PSMD12: variants seen among roughly 807,000 people sequenced by gnomAD.
PSMD12 encodes the protein 26S proteasome non-ATPase regulatory subunit 12.
PSMD12 carries 8 observed loss-of-function variants against 62.9 expected under a neutral mutation model. The observed-to-expected ratio is 0.13, with a 90% CI of 0.07 to 0.23. The LOEUF (loss-of-function observed/expected upper bound fraction) is 0.23. Among genes scored for constraint, PSMD12 ranks in the 10% least tolerant of loss-of-function variants. The probability of loss-of-function intolerance (pLI) is 1.00; values close to 1 mark genes in which losing one functional copy is unlikely to be tolerated. For synonymous variants in PSMD12, 173 were observed against 187.4 expected, an observed-to-expected ratio of 0.92 and a Z score of 0.63; for missense variants, 424 against 550.2, an observed-to-expected ratio of 0.77 and a Z score of 2.29.
chr17:67,348,326 T>C (rs925746388), intron 5 of PSMD12, among the ~76,000 whole-genome samples: 1 of 152,226 alleles, frequency 6.6e-6, no homozygotes, highest in Non-Finnish European at 1.5e-5. Flanking sequence ...TTAATAGGTA[T>C]GTAGTGGTAC....
At position 67,340,576 on chromosome 17, in the gene PSMD12, C is replaced by G. The variant is rs541795506; in HGVS notation, c.*267G>C. ...AAACAAACAGTAGCTAAAAAGGTTT[C>G]AAATGATAGAAAAACATATCTGGGT... On this transcript the variant is annotated 3_prime_UTR_variant, in exon 11 of 11. Coordinates refer to ENST00000356126, the MANE Select transcript of PSMD12 (RefSeq NM_002816.5). 1.9e-5 allele frequency: 6 copies of G among 315,940 alleles called. No individual in the cohort carries two copies. The highest frequency in any genetic ancestry group is 1.3e-4 in the African/African-American group (6 of 46,474). The allele number at this position is 315,940 out of a possible 1,614,324, so 19.6% of individuals were successfully genotyped here.
chr17:67,360,552 G>C (rs1267455143), intron 1 of PSMD12, among the ~76,000 whole-genome samples: 1 of 152,168 alleles, frequency 6.6e-6, no homozygotes, highest in Non-Finnish European at 1.5e-5. Context: ...GTAAGAGCAG[G>C]GATGCCATGT....
chr17:67,350,116 ATT>A, intron 4 of PSMD12, 111 bp downstream of exon 4: 1 of 632,134 alleles, frequency 1.6e-6, no homozygotes, highest in South Asian at 2.9e-5. Context: ...CATTTTGTGT[ATT>A]TCTTTAAAAA....
intron 1 of PSMD12, among the ~76,000 whole-genome samples, chr17:67,357,968 C>G (rs948881773): frequency 2.6e-5 from 4 of 151,788 alleles, no homozygotes; most frequent in East Asian, 1.9e-4. Flanking sequence ...TTCACCCAGG[C>G]TGAAGTGCAG....
At chr17:67,344,502 G>A in intron 9 of PSMD12, 104 bp downstream of exon 9, 4 of 1,056,076 alleles carry the variant, frequency 3.8e-6, no homozygotes. Context: ...TATCAAATGT[G>A]ACAAATGAAA....
chr17:67,347,565 T>C, intron 5 of PSMD12, 80 bp from the exon 6 acceptor site: 1 of 1,350,946 alleles, frequency 7.4e-7, no homozygotes, highest in Non-Finnish European at 1.0e-6. Context: ...GATATTAAAA[T>C]ATTCATCCTT....
At chr17:67,356,544 C>T (rs1450510592) in intron 3 of PSMD12, among the ~76,000 whole-genome samples, 2 of 72,368 alleles carry the variant, frequency 2.8e-5, no homozygotes, top group African/African-American at 4.7e-5. Flanking sequence ...GGCGACAGAG[C>T]GAGACTCCGT....
chr17:67,349,088 C>T (rs1472324302), intron 4 of PSMD12, among the ~76,000 whole-genome samples: 1 of 152,156 alleles, frequency 6.6e-6, no homozygotes, highest in Non-Finnish European at 1.5e-5. Context: ...GGCGTGATCT[C>T]GGCTCACCAC....
Position 67,357,287 on chromosome 17 carries a change from A to T in PSMD12, c.297+16T>A. 6.2e-7 allele frequency: 1 copy of T among 1,606,632 alleles called. No individual in the cohort carries two copies. Among genetic ancestry groups the T allele is most frequent in the African/African-American group, 1.3e-5 (1 of 74,690 alleles). ...AAATGCTTTTGTGTTTGGAGCAGAC[A>T]TGATCATGAACTCACTTGTTTTAAC... On this transcript the variant is annotated intron_variant, in intron 3 of 10. Coordinates refer to ENST00000356126, the MANE Select transcript of PSMD12 (RefSeq NM_002816.5).
chr17:67,351,831 G>A (rs1252725536), intron 3 of PSMD12, among the ~76,000 whole-genome samples: 2 of 151,020 alleles, frequency 1.3e-5, no homozygotes, highest in Non-Finnish European at 2.9e-5. Context: ...TGGGTACGGT[G>A]GCTCATGCCC....
At chr17:67,344,146 C>A (rs1404313206) in intron 9 of PSMD12, among the ~76,000 whole-genome samples, 2 of 152,160 alleles carry the variant, frequency 1.3e-5, no homozygotes, top group Non-Finnish European at 2.9e-5. Context: ...CTAAAAAGAT[C>A]AAAGTTCAGG....
At position 67,366,289 on chromosome 17, in the gene PSMD12, A is replaced by G. The variant is rs1398929134; in HGVS notation, c.108+123T>C. Reference sequence around the variant, plus strand: ...GGGGTCTCCCACTCGTGCAGGCCCAACTAGGGCTGGACAGGCATTGGGGGG... The same window carrying G: ...GGGGTCTCCCACTCGTGCAGGCCCAGCTAGGGCTGGACAGGCATTGGGGGG... On this transcript the variant is annotated intron_variant, in intron 1 of 10. Transcript: ENST00000356126. 9 of 956,362 alleles carry G rather than the reference A, an allele frequency of 9.4e-6. No homozygotes were observed. In the East Asian group the frequency reaches 1.1e-4, roughly 11 times the overall value. The allele number at this position is 956,362 out of a possible 1,614,324, so 59.2% of individuals were successfully genotyped here. A position where few individuals can be genotyped will look rare whatever the true frequency, so the allele number is the denominator to read the frequency against.
At chr17:67,359,463 G>A (rs1294335362) in intron 1 of PSMD12, among the ~76,000 whole-genome samples, 1 of 152,132 alleles carries the variant, frequency 6.6e-6, no homozygotes. Flanking sequence ...TTTAAAAATT[G>A]TTTTTCTAAC....
rs1184923633 is a variant in PSMD12, at chr17:67,344,711, C to T, written c.978G>A (p.Met326Ile). The change falls in exon 9 of 11, where the codon ATG becomes ATA. Residue 326 changes from methionine to isoleucine, a missense_variant. Physicochemically the swap from Met to Ile is conservative, Grantham distance 10 (BLOSUM62 1). Transcript: ENST00000356126. ...TCTCAAGGGAACCTTTTCTTAATTC[C>T]ATTCCATAGTCCTCAACAAGTGTGG... ...RWSTLVEDYGMELRKGSLESP... is the reference protein window; with the variant it reads ...RWSTLVEDYGIELRKGSLESP... 4 of 1,613,730 alleles carry T rather than the reference C, an allele frequency of 2.5e-6. No homozygotes were observed. Among genetic ancestry groups the T allele is most frequent in the South Asian group, 2.2e-5 (2 of 91,050 alleles).
chr17:67,357,704 C>A, intron 1 of PSMD12, 126 bp from the exon 2 acceptor site: 1 of 896,666 alleles, frequency 1.1e-6, no homozygotes, highest in African/African-American at 1.7e-5. Flanking sequence ...AAGGACTACC[C>A]ATAACTAGTT....
At chr17:67,357,688 G>C (rs2042088695) in intron 1 of PSMD12, 110 bp from the exon 2 acceptor site, 1 of 1,066,540 alleles carries the variant, frequency 9.4e-7, no homozygotes. Context: ...GCCTCTTCTA[G>C]AGGAAAAGGA....
chr17:67,348,733 C>A, intron 4 of PSMD12, 79 bp from the exon 5 acceptor site: 2 of 1,243,922 alleles, frequency 1.6e-6, no homozygotes, highest in South Asian at 1.3e-5. Flanking sequence ...TATGTTGGCT[C>A]ACACCTGTAA....
Position 67,347,173 on chromosome 17 carries a change from G to A in PSMD12, c.738C>T (p.His246=). Residue 246 remains histidine, a synonymous_variant, in exon 7 of 11, where the codon CAC becomes CAT. Transcript: ENST00000356126. The part of the protein sequence containing the change: ...HEGSYLSICK[H]YRAIYDTPCI... Reference sequence around the variant, plus strand: ...AGGGAGTATCATATATTGCTCTGTAGTGCTTACAAATAGACAAATAGGATC... The same window carrying A: ...AGGGAGTATCATATATTGCTCTGTAATGCTTACAAATAGACAAATAGGATC... 2 of 1,613,488 alleles carry A rather than the reference G, an allele frequency of 1.2e-6. No individual in the cohort carries two copies. Among genetic ancestry groups the A allele is most frequent in the Non-Finnish European group, 1.7e-6 (2 of 1,179,576 alleles).
intron 9 of PSMD12, among the ~76,000 whole-genome samples, chr17:67,342,953 A>AG (rs1212758307): frequency 1.3e-5 from 2 of 152,084 alleles, no homozygotes; most frequent in Non-Finnish European, 2.9e-5. Context: ...AAAAAAAAAA[A>AG]AAAGATTAGA....
Sources: allele counts gnomAD v4.1 joint callset (sites outside exome capture counted in the v4.1 genomes callset), GRCh38; gene constraint gnomAD v4.1.1; transcripts MANE v1.5; gene names NCBI Gene and HGNC (gene_info 2026-07-23, HGNC 2026-07-21).